The following SOX5 variants were observed in gnomAD, a reference collection of about 807,000 sequenced individuals.
SOX5 encodes the protein transcription factor SOX-5.
A neutral mutation model predicts 92.0 loss-of-function variants in SOX5; 9 were observed. That is an observed-to-expected ratio of 0.10 (90% confidence interval 0.06 to 0.17). The LOEUF (loss-of-function observed/expected upper bound fraction) is 0.17, where lower values mean the gene tolerates loss of function less well. Among genes scored for constraint, SOX5 ranks in the 10% least tolerant of loss-of-function variants. The pLI, the probability that SOX5 is intolerant of heterozygous loss-of-function variation, is 1.00. For missense variants in SOX5, 642 were observed against 944.5 expected (o/e 0.68, Z 4.20); for synonymous variants, 344 against 336.3 (o/e 1.02, Z -0.25).
chr12:24,166,587 G>A (rs772063789), intron 4 of SOX5, among the ~76,000 whole-genome samples: 3 of 152,204 alleles, frequency 2.0e-5, no homozygotes, highest in South Asian at 2.1e-4. Flanking sequence ...CATTCAGGTC[G>A]CCATTATCTA....
At chr12:23,630,107 TAA>T (rs991510178) in intron 8 of SOX5, among the ~76,000 whole-genome samples, 2 of 152,050 alleles carry the variant, frequency 1.3e-5, no homozygotes, top group African/African-American at 4.8e-5. Context: ...ATATGATTTA[TAA>T]AAAAGTTGCA....
intron 1 of SOX5, among the ~76,000 whole-genome samples, chr12:24,467,181 C>T (rs1248562534): frequency 6.6e-6 from 1 of 152,090 alleles, no homozygotes; most frequent in East Asian, 1.9e-4. Flanking sequence ...GTATTAATAC[C>T]ATCAGATACT....
chr12:24,359,410 TA>T (rs1955251985), intron 2 of SOX5, among the ~76,000 whole-genome samples: 1 of 152,320 alleles, frequency 6.6e-6, no homozygotes, highest in Non-Finnish European at 1.5e-5. Context: ...TTGACTAATT[TA>T]TCTACAGGCA....
At chr12:23,616,803 G>A (rs1168616108) in intron 8 of SOX5, among the ~76,000 whole-genome samples, 1 of 152,046 alleles carries the variant, frequency 6.6e-6, no homozygotes, top group African/African-American at 2.4e-5. Flanking sequence ...GGCCTCAAAA[G>A]GCTGAAGAGT....
At chr12:24,081,395 A>G (rs974908970) in intron 4 of SOX5, among the ~76,000 whole-genome samples, 2 of 152,004 alleles carry the variant, frequency 1.3e-5, no homozygotes, top group Non-Finnish European at 1.5e-5. Context: ...TATCAGACAG[A>G]TTTATTTATA....
rs1162660151 is a variant in SOX5 at position 24,467,289 on chromosome 12, T to C, written c.-251+95040A>G. 2.0e-5 allele frequency among the ~76,000 whole-genome samples: 3 copies of C among 152,324 alleles called. No individual in the cohort carries two copies. The East Asian group carries it at 5.8e-4, about 29-fold the overall frequency. ...GCCAGGAGGTATTTGGTGAGAAACA[T>C]ATTAGCCCAATATTTGAGCAGTTCA... On this transcript the variant is annotated intron_variant, in intron 1 of 4. Transcript: ENST00000446891.
intron 3 of SOX5, among the ~76,000 whole-genome samples, chr12:23,762,034 T>C: frequency 6.6e-6 from 1 of 152,230 alleles, no homozygotes; most frequent in South Asian, 2.1e-4. Flanking sequence ...AAATCATATA[T>C]CAGTAAGAGT....
chr12:24,049,638 G>GTTTTTTTTTTTTTTTTTT (rs527647441), intron 4 of SOX5, among the ~76,000 whole-genome samples: 2 of 73,772 alleles, frequency 2.7e-5, no homozygotes, highest in East Asian at 4.1e-4. Flanking sequence ...ATCCTTCATA[G>GTTTTTTTTTTTTTTTTTT]TTTTTTTTTT....
intron 1 of SOX5, among the ~76,000 whole-genome samples, chr12:24,435,034 T>C (rs2137098919): frequency 6.6e-6 from 1 of 152,312 alleles, no homozygotes; most frequent in East Asian, 1.9e-4. Flanking sequence ...GCAGATACTT[T>C]GACTGAAAAC....
chr12:24,234,517 A>ACTAGCTAC (rs922653563), intron 3 of SOX5, among the ~76,000 whole-genome samples: 2 of 152,114 alleles, frequency 1.3e-5, no homozygotes, highest in African/African-American at 4.8e-5. Context: ...AGCTGGGATT[A>ACTAGCTAC]CAGGTGTGCA....
intron 8 of SOX5, among the ~76,000 whole-genome samples, chr12:23,638,953 T>C (rs1566603494): frequency 6.6e-6 from 1 of 152,124 alleles, no homozygotes; most frequent in Non-Finnish European, 1.5e-5. Flanking sequence ...CTGATGGCTT[T>C]CCATGAAAAA....
chr12:23,654,718 C>CT (rs532516052), intron 7 of SOX5, among the ~76,000 whole-genome samples: 144 of 152,096 alleles, frequency 9.5e-4, no homozygotes, highest in African/African-American at 3.3e-3. Context: ...TCTGTACAGT[C>CT]TTTTTAGATT....
chr12:24,186,102 T>C (rs1955987245), intron 4 of SOX5, among the ~76,000 whole-genome samples: 1 of 152,098 alleles, frequency 6.6e-6, no homozygotes, highest in African/African-American at 2.4e-5. Context: ...AAGGAGAATT[T>C]AACCTTATCT....
At chr12:24,322,433 A>G (rs1318288192) in intron 2 of SOX5, among the ~76,000 whole-genome samples, 1 of 152,188 alleles carries the variant, frequency 6.6e-6, no homozygotes, top group African/African-American at 2.4e-5. Flanking sequence ...ACTATTGCTG[A>G]TGAGCAATTG....
intron 2 of SOX5, among the ~76,000 whole-genome samples, chr12:24,323,857 G>A (rs1950432868): frequency 6.6e-6 from 1 of 152,032 alleles, no homozygotes; most frequent in South Asian, 2.1e-4. Flanking sequence ...GGAGGAAGAG[G>A]CCAAAAATTT....
chr12:24,122,830 A>G (rs114113938), intron 4 of SOX5, among the ~76,000 whole-genome samples: 1,625 of 152,308 alleles, frequency 0.011, 29 homozygotes, highest in African/African-American at 0.036. Flanking sequence ...GGTCAGCAGA[A>G]CATAACTACA....
chr12:24,514,482 C>G (rs1397348823), intron 1 of SOX5, among the ~76,000 whole-genome samples: 2 of 152,142 alleles, frequency 1.3e-5, no homozygotes, highest in African/African-American at 4.8e-5. Flanking sequence ...TTATCATTTA[C>G]CCAACATTTT....
At chr12:24,494,756 G>A (rs1264564244) in intron 1 of SOX5, among the ~76,000 whole-genome samples, 4 of 152,044 alleles carry the variant, frequency 2.6e-5, no homozygotes, top group Admixed American at 2.6e-4. Context: ...CTAATGAAAT[G>A]AGAAGGGTAT....
rs773527676 is a variant in SOX5, at chr12:24,096,744, G to A, written c.-2+116599C>T. On this transcript the variant is annotated intron_variant, in intron 4 of 4. Transcript: ENST00000446891. ...AAATTTGGCTCACTTCTACTTTTTG[G>A]TTATTATTAGTGCTATTATAAATAC... is the stretch of plus-strand genomic sequence containing the variant. Among the ~76,000 whole-genome samples, 119 of 151,928 alleles carry A rather than the reference G, an allele frequency of 7.8e-4. 1 individual carries two copies. The highest frequency in any genetic ancestry group is 2.1e-4 in the Non-Finnish European group (14 of 67,958).
Sources: allele counts gnomAD v4.1 joint callset (sites outside exome capture counted in the v4.1 genomes callset), GRCh38; gene constraint gnomAD v4.1.1; transcripts MANE v1.5; gene names NCBI Gene and HGNC (gene_info 2026-07-23, HGNC 2026-07-21).